TFPT: variants seen among roughly 807,000 people sequenced by gnomAD.
TFPT encodes the protein INO80 complex subunit F.
A neutral mutation model predicts 28.8 loss-of-function variants in TFPT; 27 were observed. That is an observed-to-expected ratio of 0.94 (90% confidence interval 0.69 to 1.29). The LOEUF (loss-of-function observed/expected upper bound fraction) is 1.29, where lower values mean the gene tolerates loss of function less well. TFPT is among the 50% of genes most tolerant of loss of function. The pLI, the probability that TFPT is intolerant of heterozygous loss-of-function variation, is 0.00. For missense variants in TFPT, 330 were observed against 338.0 expected (o/e 0.98, Z 0.19); for synonymous variants, 152 against 142.8 (o/e 1.06, Z -0.46).
At chr19:54,112,196 G>A (rs1246633194) in intron 2 of TFPT, among the ~76,000 whole-genome samples, 1 of 150,846 alleles carries the variant, frequency 6.6e-6, no homozygotes, top group Admixed American at 6.6e-5. Flanking sequence ...TGGGGCTGCA[G>A]TGAGCCACAG....
At position 54,114,577 on chromosome 19, in the gene TFPT, T is replaced by G. The variant is rs1187490875; in HGVS notation, c.147A>C (p.Ser49=). The change falls in exon 2 of 6, where the codon TCA becomes TCC. Residue 49 remains serine (S), a synonymous_variant. Coordinates refer to ENST00000391759, the MANE Select transcript of TFPT (RefSeq NM_013342.4). ...GGAGCCCTGAGCCGCCCAGACCACC[T>G]GACACAAACTCCACTTCCGTCTCCA... The part of the protein sequence containing the change: ...SELETEVEFV[S]GGLGGSGLRE... 6.2e-7 allele frequency: 1 copy of G among 1,614,074 alleles called. No individual in the cohort carries two copies. Among genetic ancestry groups the G allele is most frequent in the Admixed American group, 1.7e-5 (1 of 60,014 alleles).
In TFPT at chr19:54,115,283, G is replaced by A. The variant is rs747259705; in HGVS notation, c.-14C>T. On this transcript the variant is annotated 5_prime_UTR_variant, in exon 1 of 6. Transcript: ENST00000391759. ...CTCCAATTCCATCTCCGCGACCTCCGGAAGCCCCGGGCCTCAGAGCTTCCG... is the reference window on the plus strand; with the variant it reads ...CTCCAATTCCATCTCCGCGACCTCCAGAAGCCCCGGGCCTCAGAGCTTCCG... 7.4e-6 allele frequency: 12 copies of A among 1,613,960 alleles called. No individual in the cohort carries two copies. The highest frequency in any genetic ancestry group is 1.0e-5 in the Non-Finnish European group (12 of 1,180,032).
rs587693850 is a variant in TFPT, at chr19:54,114,338, T to TTCC, written c.282+103_282+104insGGA. The TTCC allele has an allele frequency of 6.3e-4, 950 of 1,498,262 alleles. 3 individuals are homozygous for TTCC. The African/African-American group carries it at 8.0e-3, about 13-fold the overall frequency. 92.8% of individuals were successfully genotyped at this position (1,498,262 alleles called of 1,614,324 possible). A position where few individuals can be genotyped will look rare whatever the true frequency, so the allele number is the denominator to read the frequency against. Reference sequence around the variant, plus strand: ...AATATATAAGCTAAATGACTGAATATATCAGCAAGCCAAGAAAGGCTGGGC... The same window carrying TTCC: ...AATATATAAGCTAAATGACTGAATATTCCATCAGCAAGCCAAGAAAGGCTGGGC... On this transcript the variant is annotated intron_variant, in intron 2 of 5. Transcript: ENST00000391759.
intron 5 of TFPT, 104 bp downstream of exon 5, chr19:54,107,922 C>G (rs1195552995): frequency 7.8e-7 from 1 of 1,282,662 alleles, no homozygotes; most frequent in African/African-American, 1.5e-5. Context: ...CTGAACCTAA[C>G]TCAGCCCCAG....
intron 2 of TFPT, among the ~76,000 whole-genome samples, chr19:54,113,146 G>A (rs988788367): frequency 6.6e-6 from 1 of 151,368 alleles, no homozygotes; most frequent in South Asian, 2.1e-4. Flanking sequence ...CCCAAAAGAG[G>A]GTGTTGAGGC....
At chr19:54,113,629 C>T (rs2073518795) in intron 2 of TFPT, among the ~76,000 whole-genome samples, 1 of 152,162 alleles carries the variant, frequency 6.6e-6, no homozygotes, top group Admixed American at 6.5e-5. Flanking sequence ...AATATCCAGA[C>T]TTCTTGTCCT....
Position 54,108,365 on chromosome 19 carries a change from C to G in TFPT, c.384G>C (p.Gly128=). The G allele has an allele frequency of 6.2e-7, 1 of 1,612,324 alleles. No individual in the cohort carries two copies. Among genetic ancestry groups the G allele is most frequent in the Non-Finnish European group, 8.5e-7 (1 of 1,179,226 alleles). The change falls in exon 4 of 6, where the codon GGG becomes GGC. Residue 128 remains glycine, a synonymous_variant. Coordinates refer to ENST00000391759, the MANE Select transcript of TFPT (RefSeq NM_013342.4). ...RFLMRVLDSY[G]DDYRASQFTI... ...TGAACTGGCTGGCCCGGTAGTCATC[C>G]CCGTAGGAGTCCAGCACTCTCATGA...
chr19:54,109,961 T>G, intron 3 of TFPT, 90 bp downstream of exon 3: 1 of 1,237,718 alleles, frequency 8.1e-7, no homozygotes, highest in Non-Finnish European at 1.1e-6. Context: ...TTGTGAGGGT[T>G]GGGTGGATGT....
chr19:54,108,437 T>G (rs763335660), intron 3 of TFPT, 42 bp from the exon 4 acceptor site: 2 of 1,613,918 alleles, frequency 1.2e-6, no homozygotes, highest in African/African-American at 1.3e-5. Flanking sequence ...ACTTATCTCC[T>G]AGCGGCTGGG....
At position 54,115,336 on chromosome 19, in the gene TFPT, T is replaced by A. The variant is rs2073594885; in HGVS notation, c.-67A>T. 1.2e-6 allele frequency: 2 copies of A among 1,610,518 alleles called. No homozygotes were observed. The highest frequency in any genetic ancestry group is 2.7e-5 in the African/African-American group (2 of 74,990). On this transcript the variant is annotated 5_prime_UTR_variant, in exon 1 of 6. Transcript: ENST00000391759. Reference sequence around the variant, plus strand: ...CTCTTCAATCTGTAGGTTAAGCCGTTCGCAAAACTACTTGTCCCATCAGGC... The same window carrying A: ...CTCTTCAATCTGTAGGTTAAGCCGTACGCAAAACTACTTGTCCCATCAGGC...
chr19:54,115,256 T>C lies in TFPT; in HGVS notation c.14A>G (p.Gln5Arg), dbSNP rs1180763350. Residue 5 changes from glutamine to arginine, a missense_variant, in exon 1 of 6, where the codon CAG becomes CGG. Physicochemically the swap from Gln to Arg is conservative, Grantham distance 43 (BLOSUM62 1). Coordinates refer to ENST00000391759, the MANE Select transcript of TFPT (RefSeq NM_013342.4). MELE[Q>R]REGTMAAVGF... ...GGGCTCAGCCACATACCCTTCTCTCTGCTCCAATTCCATCTCCGCGACCTC... is the reference window on the plus strand; with the variant it reads ...GGGCTCAGCCACATACCCTTCTCTCCGCTCCAATTCCATCTCCGCGACCTC... The C allele has an allele frequency of 3.1e-6, 5 of 1,614,030 alleles. No homozygotes were observed. The highest frequency in any genetic ancestry group is 4.2e-6 in the Non-Finnish European group (5 of 1,180,042).
At chr19:54,114,415 A>C in intron 2 of TFPT, 27 bp downstream of exon 2, 1 of 1,596,010 alleles carries the variant, frequency 6.3e-7, no homozygotes, top group Non-Finnish European at 8.5e-7. Context: ...AGGGGACCCC[A>C]AAACCGGGGG....
At chr19:54,113,361 A>G (rs1240857429) in intron 2 of TFPT, among the ~76,000 whole-genome samples, 1 of 152,130 alleles carries the variant, frequency 6.6e-6, no homozygotes, top group Non-Finnish European at 1.5e-5. Context: ...GTACGTGCCA[A>G]TGACTGCCAG....
intron 1 of TFPT, 26 bp from the exon 2 acceptor site, chr19:54,114,726 G>A: frequency 1.3e-6 from 2 of 1,595,064 alleles, no homozygotes; most frequent in South Asian, 2.2e-5. Context: ...AGGCTCAGGG[G>A]CCCTGGATCC....
intron 3 of TFPT, 29 bp downstream of exon 3, chr19:54,110,022 A>G (rs2146357462): frequency 6.2e-7 from 1 of 1,611,380 alleles, no homozygotes; most frequent in Non-Finnish European, 8.5e-7. Flanking sequence ...TGAGGCTCAC[A>G]GGCCCAGAGG....
At position 54,115,320 on chromosome 19, in the gene TFPT, C is replaced by G. The variant is rs767048608; in HGVS notation, c.-51G>C. Reference sequence around the variant, plus strand: ...CCTCAGAGCTTCCGACCTCTTCAATCTGTAGGTTAAGCCGTTCGCAAAACT... The same window carrying G: ...CCTCAGAGCTTCCGACCTCTTCAATGTGTAGGTTAAGCCGTTCGCAAAACT... On this transcript the variant is annotated 5_prime_UTR_variant, in exon 1 of 6. Transcript: ENST00000391759. The G allele has an allele frequency of 9.3e-6, 15 of 1,613,556 alleles. No individual in the cohort carries two copies. The highest frequency in any genetic ancestry group is 1.6e-4 in the Middle Eastern group (1 of 6,062).
At chr19:54,109,876 C>CCTCAG (rs1600296991) in intron 3 of TFPT, among the ~76,000 whole-genome samples, 175 bp downstream of exon 3, 20 of 151,514 alleles carry the variant, frequency 1.3e-4, no homozygotes, top group African/African-American at 2.9e-4. Context: ...CAGCCCTCTC[C>CCTCAG]TCCAACACCG....
intron 2 of TFPT, among the ~76,000 whole-genome samples, chr19:54,110,729 C>T (rs112261320): frequency 0.014 from 2,132 of 151,950 alleles, 53 homozygotes; most frequent in African/African-American, 0.048. Flanking sequence ...CACACCCGAC[C>T]CCCCTTCCCA....
intron 1 of TFPT, 164 bp downstream of exon 1, chr19:54,115,080 TCTC>T (rs144785117): frequency 0.025 from 26,671 of 1,051,944 alleles, 448 homozygotes; most frequent in Non-Finnish European, 0.03. Flanking sequence ...CCCCTAACCT[TCTC>T]CTCCCTCAGG....
Sources: allele counts gnomAD v4.1 joint callset (sites outside exome capture counted in the v4.1 genomes callset), GRCh38; gene constraint gnomAD v4.1.1; transcripts MANE v1.5; gene names NCBI Gene and HGNC (gene_info 2026-07-23, HGNC 2026-07-21).